Variants in PAPPA2 observed in about 807,000 individuals in gnomAD.
PAPPA2 encodes pappalysin-2.
A neutral mutation model predicts 176.4 loss-of-function variants in PAPPA2; 86 were observed. The observed-to-expected ratio is 0.49, with a 90% confidence interval of 0.41 to 0.58. The LOEUF (loss-of-function observed/expected upper bound fraction) is 0.58, where lower values mean the gene tolerates loss of function less well. Ranked by LOEUF, PAPPA2 falls within the 20% of genes least tolerant of loss-of-function variation. The pLI is 0.00. For missense variants in PAPPA2, 2,073 were observed against 2,256.9 expected (o/e 0.92, Z 1.65); for synonymous variants, 809 against 852.2 (o/e 0.95, Z 0.88).
intron 21 of PAPPA2, among the ~76,000 whole-genome samples, chr1:176,813,725 A>G (rs143670191): frequency 2.0e-5 from 3 of 152,304 alleles, no homozygotes; most frequent in South Asian, 2.1e-4. Context: ...ATTTTATGCA[A>G]TTCTGTAGGT....
intron 1 of PAPPA2, among the ~76,000 whole-genome samples, chr1:176,552,958 G>A (rs1039569418): frequency 6.6e-6 from 1 of 152,124 alleles, no homozygotes; most frequent in African/African-American, 2.4e-5. Context: ...GGGTGTGGGT[G>A]TTTGTCATAA....
chr1:176,531,419 A>G (rs1317622474), intron 1 of PAPPA2, among the ~76,000 whole-genome samples: 2 of 152,214 alleles, frequency 1.3e-5, no homozygotes, highest in African/African-American at 4.8e-5. Context: ...TGACATAAAG[A>G]TGGCCATAAT....
At chr1:176,800,213 A>G (rs1665623216) in intron 21 of PAPPA2, 81 bp downstream of exon 21, 2 of 1,382,976 alleles carry the variant, frequency 1.4e-6, no homozygotes, top group East Asian at 2.3e-5. Context: ...CTTCTAATTT[A>G]GGACCTGGTC....
intron 21 of PAPPA2, among the ~76,000 whole-genome samples, chr1:176,804,251 C>T (rs1257414607): frequency 1.3e-5 from 2 of 152,126 alleles, no homozygotes; most frequent in African/African-American, 2.4e-5. Context: ...ATGTTGAAAC[C>T]CATTCCCGGG....
chr1:176,692,885 G>T (rs1373809480), intron 6 of PAPPA2, among the ~76,000 whole-genome samples: 1 of 152,146 alleles, frequency 6.6e-6, no homozygotes, highest in Non-Finnish European at 1.5e-5. Context: ...TGCCCCACTT[G>T]ACTGGCAACT....
intron 17 of PAPPA2, among the ~76,000 whole-genome samples, chr1:176,776,341 G>C (rs920680538): frequency 6.6e-6 from 1 of 152,024 alleles, no homozygotes; most frequent in African/African-American, 2.4e-5. Context: ...TAAGTCACTC[G>C]TCAAGATGCC....
At chr1:176,785,207 A>C (rs562946507) in intron 17 of PAPPA2, among the ~76,000 whole-genome samples, 1 of 152,204 alleles carries the variant, frequency 6.6e-6, no homozygotes, top group African/African-American at 2.4e-5. Flanking sequence ...TTCCTGGCAC[A>C]ATCCAACCAG....
intron 3 of PAPPA2, among the ~76,000 whole-genome samples, chr1:176,635,161 T>C (rs902810778): frequency 6.6e-6 from 1 of 152,100 alleles, no homozygotes; most frequent in South Asian, 2.1e-4. Context: ...AGTTTTCAGG[T>C]TTTTTTCACC....
intron 3 of PAPPA2, among the ~76,000 whole-genome samples, chr1:176,628,325 A>G (rs982016903): frequency 5.9e-5 from 9 of 152,184 alleles, no homozygotes; most frequent in Admixed American, 2.0e-4. Flanking sequence ...ATTCAGAGCT[A>G]TGTTTAGACT....
At chr1:176,547,530 A>C (rs1277867899) in intron 1 of PAPPA2, among the ~76,000 whole-genome samples, 1 of 152,184 alleles carries the variant, frequency 6.6e-6, no homozygotes, top group Non-Finnish European at 1.5e-5. Flanking sequence ...CCAATAGAAA[A>C]CAGGTAGCAA....
intron 14 of PAPPA2, among the ~76,000 whole-genome samples, chr1:176,745,455 A>G (rs1398264814): frequency 6.6e-6 from 1 of 152,216 alleles, no homozygotes; most frequent in Non-Finnish European, 1.5e-5. Context: ...CCAAAGGCAC[A>G]ATCAAACTTG....
intron 17 of PAPPA2, among the ~76,000 whole-genome samples, chr1:176,781,984 C>G (rs776650879): frequency 6.6e-6 from 1 of 152,222 alleles, no homozygotes; most frequent in Non-Finnish European, 1.5e-5. Context: ...GCAATTGCCT[C>G]TTTCCCTTAC....
chr1:176,539,894 G>A (rs1650278212), intron 1 of PAPPA2, among the ~76,000 whole-genome samples: 1 of 151,988 alleles, frequency 6.6e-6, no homozygotes, highest in South Asian at 2.1e-4. Context: ...GCCTGATGCT[G>A]AAAGGAGAAG....
At chr1:176,499,887 C>G (rs1041630916) in intron 1 of PAPPA2, among the ~76,000 whole-genome samples, 3 of 152,160 alleles carry the variant, frequency 2.0e-5, no homozygotes, top group Non-Finnish European at 4.4e-5. Flanking sequence ...AGGCTTGCAA[C>G]ATTTTCCTGG....
intron 1 of PAPPA2, among the ~76,000 whole-genome samples, chr1:176,467,446 G>C (rs1214035819): frequency 6.6e-6 from 1 of 152,170 alleles, no homozygotes. Flanking sequence ...TGCCTTGTGG[G>C]AGGTCAGCTT....
At chr1:176,590,318 C>T (rs1653583354) in intron 2 of PAPPA2, among the ~76,000 whole-genome samples, 1 of 152,158 alleles carries the variant, frequency 6.6e-6, no homozygotes. Context: ...TTCCCAAACC[C>T]ATGTTCAGTG....
intron 14 of PAPPA2, among the ~76,000 whole-genome samples, chr1:176,751,146 G>C (rs947097716): frequency 2.2e-4 from 33 of 151,750 alleles, no homozygotes; most frequent in African/African-American, 7.3e-4. Context: ...AGATCAGGTA[G>C]TTGTAGATAT....
In PAPPA2 at chr1:176,842,539, GA is replaced by G; in HGVS notation, c.*87del. 1 of 1,213,508 alleles carries G rather than the reference GA, an allele frequency of 8.2e-7. No individual in the cohort carries two copies. The highest frequency in any genetic ancestry group is 1.2e-6 in the Non-Finnish European group (1 of 835,102). 75.2% of individuals were successfully genotyped at this position (1,213,508 alleles called of 1,614,324 possible). A position where few individuals can be genotyped will look rare whatever the true frequency, so the allele number is the denominator to read the frequency against. On this transcript the variant is annotated 3_prime_UTR_variant, in exon 23 of 23. Coordinates refer to ENST00000367662, the MANE Select transcript of PAPPA2 (RefSeq NM_020318.3). ...CAGGAGGAAACAAAGGGTGAATGAA[GA>G]AGAACAATCATGAAATGGAAGAAGG... is the stretch of plus-strand genomic sequence containing the variant.
intron 3 of PAPPA2, chr1:176,616,160 A>G (rs1426210977): frequency 1.8e-4 from 59 of 330,024 alleles, no homozygotes; most frequent in Admixed American, 1.8e-3. Flanking sequence ...CAGTACTCCT[A>G]TGGAAGCTTC....
Sources: gnomAD v4.1 joint callset for allele counts (sites outside exome capture counted in the v4.1 genomes callset) on GRCh38, gnomAD v4.1.1 for gene constraint, MANE v1.5 for transcripts, NCBI Gene and HGNC (gene_info 2026-07-23, HGNC 2026-07-21) for gene names.